The following KCNE3 variants were observed in gnomAD, a reference collection of about 807,000 sequenced individuals.
The protein encoded by KCNE3 is potassium voltage-gated channel subfamily E member 3.
A neutral mutation model predicts 4.3 loss-of-function variants in KCNE3; 2 were observed. That is an observed-to-expected ratio of 0.47 (90% CI 0.19 to 1.48). KCNE3 has a LOEUF of 1.48. Ranked by LOEUF, KCNE3 falls within the 40% of genes most tolerant of loss-of-function variation. KCNE3 has a pLI of 0.25. For synonymous variants in KCNE3, 47 were observed against 52.0 expected (o/e 0.90, Z 0.41); for missense variants, 128 against 136.8 (o/e 0.94, Z 0.32).
At chr11:74,466,155 G>T (rs774690102) in intron 1 of KCNE3, among the ~76,000 whole-genome samples, 2 of 152,180 alleles carry the variant, frequency 1.3e-5, no homozygotes, top group African/African-American at 2.4e-5. Flanking sequence ...AGGCCAACAC[G>T]TCTAGCCGTG....
At chr11:74,464,798 C>T (rs1864026019) in intron 1 of KCNE3, among the ~76,000 whole-genome samples, 2 of 152,200 alleles carry the variant, frequency 1.3e-5, no homozygotes, top group Non-Finnish European at 2.9e-5. Context: ...CTCATCTCCC[C>T]ACAGCTCTTT....
At chr11:74,459,476 A>G (rs533972294) in intron 2 of KCNE3, among the ~76,000 whole-genome samples, 3 of 152,030 alleles carry the variant, frequency 2.0e-5, no homozygotes, top group South Asian at 2.1e-4. Context: ...GTTAGCCAGG[A>G]TGGTCTCGAT....
intron 1 of KCNE3, among the ~76,000 whole-genome samples, chr11:74,464,548 T>C (rs1864020541): frequency 6.6e-6 from 1 of 152,150 alleles, no homozygotes; most frequent in African/African-American, 2.4e-5. Flanking sequence ...GAGATCTTCA[T>C]GATCATGTTG....
chr11:74,460,742 T>C (rs1483109863), intron 2 of KCNE3, among the ~76,000 whole-genome samples: 1 of 151,924 alleles, frequency 6.6e-6, no homozygotes, highest in Non-Finnish European at 1.5e-5. Context: ...CGCTGTAGAG[T>C]TGGAACTTTA....
At chr11:74,463,277 T>C (rs1863993583) in intron 1 of KCNE3, among the ~76,000 whole-genome samples, 1 of 151,974 alleles carries the variant, frequency 6.6e-6, no homozygotes, top group South Asian at 2.1e-4. Flanking sequence ...CTGAATAGAC[T>C]AGGATGTTTG....
Position 74,457,098 on chromosome 11 carries a change from T to A in KCNE3, c.*154A>T. ...CAAGGCTTCGGTCTACCAGCCCCTC[T>A]TCTCCCACCCCAGTGACGACCTCCC... On this transcript the variant is annotated 3_prime_UTR_variant, in exon 3 of 3. Coordinates refer to ENST00000310128, the MANE Select transcript of KCNE3 (RefSeq NM_005472.5). 1.3e-6 allele frequency: 1 copy of A among 758,992 alleles called. No homozygotes were observed. Among genetic ancestry groups the A allele is most frequent in the South Asian group, 1.6e-5 (1 of 64,096 alleles). 47.0% of individuals were successfully genotyped at this position (758,992 alleles called of 1,614,324 possible).
At chr11:74,460,657 A>T (rs1368132280) in intron 2 of KCNE3, among the ~76,000 whole-genome samples, 1 of 152,234 alleles carries the variant, frequency 6.6e-6, no homozygotes, top group East Asian at 1.9e-4. Context: ...GTTGGAGTGT[A>T]AGATGTGTGG....
At chr11:74,465,489 A>G (rs1864041306) in intron 1 of KCNE3, among the ~76,000 whole-genome samples, 1 of 152,028 alleles carries the variant, frequency 6.6e-6, no homozygotes, top group Admixed American at 6.5e-5. Context: ...GACCCCATTC[A>G]ATCCAAAGGG....
At chr11:74,463,430 A>G (rs969310455) in intron 1 of KCNE3, among the ~76,000 whole-genome samples, 1 of 152,052 alleles carries the variant, frequency 6.6e-6, no homozygotes, top group Admixed American at 6.6e-5. Flanking sequence ...TTGGTTCTCT[A>G]TGGGGCTCTG....
intron 2 of KCNE3, among the ~76,000 whole-genome samples, chr11:74,459,464 A>T (rs12786684): frequency 1.3e-5 from 2 of 151,956 alleles, no homozygotes; most frequent in African/African-American, 4.8e-5. Context: ...GGGTTTCACC[A>T]TGTTAGCCAG....
At chr11:74,464,995 T>C (rs1277029257) in intron 1 of KCNE3, among the ~76,000 whole-genome samples, 1 of 152,228 alleles carries the variant, frequency 6.6e-6, no homozygotes, top group African/African-American at 2.4e-5. Context: ...GACCTTCTCC[T>C]GGGACTCCTC....
At chr11:74,464,964 C>T (rs1864029064) in intron 1 of KCNE3, among the ~76,000 whole-genome samples, 2 of 152,210 alleles carry the variant, frequency 1.3e-5, no homozygotes, top group Admixed American at 6.5e-5. Flanking sequence ...CTTCAAGACC[C>T]AACTCCAATT....
chr11:74,466,384 C>T (rs12273068), intron 1 of KCNE3, among the ~76,000 whole-genome samples: 2,321 of 152,302 alleles, frequency 0.015, 51 homozygotes, highest in African/African-American at 0.053. Context: ...CTGAAAGCAG[C>T]TTCTAGGCCC....
intron 1 of KCNE3, among the ~76,000 whole-genome samples, chr11:74,465,106 G>GTGTC (rs1864032635): frequency 6.6e-6 from 1 of 151,042 alleles, no homozygotes; most frequent in Non-Finnish European, 1.5e-5. Context: ...GAAACTCTGT[G>GTGTC]TGTGTGTGTG....
Position 74,456,933 on chromosome 11 carries a change from C to T in KCNE3, c.*319G>A, listed in dbSNP as rs553336968. 17 of 379,740 alleles carry T rather than the reference C, an allele frequency of 4.5e-5. No individual in the cohort carries two copies. Among genetic ancestry groups the T allele is most frequent in the Non-Finnish European group, 7.4e-5 (15 of 204,026 alleles). 23.5% of individuals were successfully genotyped at this position (379,740 alleles called of 1,614,324 possible). On this transcript the variant is annotated 3_prime_UTR_variant, in exon 3 of 3. Coordinates refer to ENST00000310128, the MANE Select transcript of KCNE3 (RefSeq NM_005472.5). ...TTTCCCTCTGCTACAACTTCTTCTC[C>T]GTTCTCCAATCCCCAGGCCCCTAAT... is the stretch of plus-strand genomic sequence containing the variant.
intron 1 of KCNE3, among the ~76,000 whole-genome samples, chr11:74,463,131 A>G (rs1365749687): frequency 6.6e-6 from 1 of 152,102 alleles, no homozygotes; most frequent in Non-Finnish European, 1.5e-5. Flanking sequence ...ACCTGCCAGG[A>G]TGATCTAGCC....
At position 74,457,330 on chromosome 11, in the gene KCNE3, T is replaced by C; in HGVS notation, c.234A>G (p.Gly78=). 1.2e-6 allele frequency: 2 copies of C among 1,614,166 alleles called. No individual in the cohort carries two copies. The highest frequency in any genetic ancestry group is 1.7e-6 in the Non-Finnish European group (2 of 1,180,042). Residue 78 remains glycine, a synonymous_variant, in exon 3 of 3, where the codon GGA becomes GGG. Transcript: ENST00000310128. ...TGTCCACTTTGCGGGAGCGGGTGTA[T>C]CCCAGGATGAGGCTGCCCACAGTTA... The part of the protein sequence containing the change: ...FAVTVGSLIL[G]YTRSRKVDKR...
Position 74,457,128 on chromosome 11 carries a change from C to T in KCNE3, c.*124G>A, listed in dbSNP as rs761365450. 2.7e-5 allele frequency: 26 copies of T among 975,656 alleles called. No homozygotes were observed. The highest frequency in any genetic ancestry group is 3.7e-5 in the Non-Finnish European group (23 of 625,672). The allele number at this position is 975,656 out of a possible 1,614,324, so 60.4% of individuals were successfully genotyped here. A position where few individuals can be genotyped will look rare whatever the true frequency, so the allele number is the denominator to read the frequency against. On this transcript the variant is annotated 3_prime_UTR_variant, in exon 3 of 3. Transcript: ENST00000310128. ...CCACCCCAGTGACGACCTCCCTTAA[C>T]CGTGTTTCTTGTTGATCTTACAGAT...
chr11:74,461,293 TG>T (rs59811393), intron 2 of KCNE3, among the ~76,000 whole-genome samples: 239 of 16,606 alleles, frequency 0.014, no homozygotes, highest in East Asian at 0.03. Flanking sequence ...TTTTATGTTT[TG>T]TGTGTGTGTG....
Sources: gnomAD v4.1 joint callset for allele counts (sites outside exome capture counted in the v4.1 genomes callset) on GRCh38, gnomAD v4.1.1 for gene constraint, MANE v1.5 for transcripts, NCBI Gene and HGNC (gene_info 2026-07-23, HGNC 2026-07-21) for gene names.